The following INPP4B variants were observed in gnomAD, a reference collection of about 807,000 sequenced individuals.
INPP4B encodes inositol polyphosphate 4-phosphatase type II.
A neutral mutation model predicts 122.5 loss-of-function variants in INPP4B; 55 were observed. The ratio of observed to expected loss-of-function variants is 0.45; its 90% CI spans 0.36 to 0.56. The LOEUF is 0.56. Among genes scored for constraint, INPP4B ranks in the 20% least tolerant of loss-of-function variants. The probability of loss-of-function intolerance (pLI) is 0.00; values close to 1 mark genes in which losing one functional copy is unlikely to be tolerated. For synonymous variants in INPP4B, 403 were observed against 388.7 expected, an observed-to-expected ratio of 1.04 and a Z score of -0.43; for missense variants, 1,000 against 1,097.7, an observed-to-expected ratio of 0.91 and a Z score of 1.26.
chr4:142,160,287 G>A, intron 17 of INPP4B, 71 bp downstream of exon 17: 2 of 1,033,620 alleles, frequency 1.9e-6, no homozygotes, highest in South Asian at 3.4e-5. Context: ...GGAAAGCAGA[G>A]CTATCTGATC....
At chr4:142,720,795 C>A (rs1328773483) in intron 2 of INPP4B, among the ~76,000 whole-genome samples, 863 of 33,512 alleles carry the variant, frequency 0.026, 110 homozygotes, top group African/African-American at 0.049. Flanking sequence ...CTCTCTCTCT[C>A]TCTCTCTCTC....
chr4:142,677,716 A>T (rs1758019149), intron 2 of INPP4B, among the ~76,000 whole-genome samples: 1 of 152,142 alleles, frequency 6.6e-6, no homozygotes, highest in Admixed American at 6.6e-5. Flanking sequence ...GCTGGAAACC[A>T]TCATTCTTAG....
rs578038376 is a variant in INPP4B at position 142,124,232 on chromosome 4, T to C, written c.1893+356A>G. The stretch of plus-strand genomic sequence containing the variant: ...CTGCAAACAGATCCCCTTTGCCAAG[T>C]CCTAGCTTGTCACCTGGAGTGCAAG... On this transcript the variant is annotated intron_variant, in intron 19 of 25. Coordinates refer to ENST00000262992, the MANE Select transcript of INPP4B (RefSeq NM_001101669.3). Among the ~76,000 whole-genome samples, 3 of 152,240 alleles carry C rather than the reference T, an allele frequency of 2.0e-5. No homozygotes were observed. The South Asian group carries it at 6.2e-4, about 32-fold the overall frequency.
At chr4:142,500,192 C>T (rs1419959896) in intron 2 of INPP4B, among the ~76,000 whole-genome samples, 3 of 152,064 alleles carry the variant, frequency 2.0e-5, no homozygotes, top group Non-Finnish European at 4.4e-5. Context: ...CACTTAAGCC[C>T]AATAAACTGC....
At chr4:142,463,786 G>C (rs1335381681) in intron 2 of INPP4B, among the ~76,000 whole-genome samples, 1 of 152,032 alleles carries the variant, frequency 6.6e-6, no homozygotes. Context: ...GCTTCTCCTT[G>C]CTGCCACCAT....
chr4:142,303,664 G>C (rs1167537824), intron 9 of INPP4B, among the ~76,000 whole-genome samples: 1 of 151,900 alleles, frequency 6.6e-6, no homozygotes, highest in Non-Finnish European at 1.5e-5. Context: ...CACAAAACTG[G>C]GAAAAATAAT....
intron 2 of INPP4B, among the ~76,000 whole-genome samples, chr4:142,484,432 C>T (rs1348941769): frequency 6.6e-6 from 1 of 151,980 alleles, no homozygotes; most frequent in Non-Finnish European, 1.5e-5. Flanking sequence ...TTGAAAGCCA[C>T]AACCTCCAGA....
chr4:142,153,679 T>C (rs1352188236), intron 17 of INPP4B, among the ~76,000 whole-genome samples: 1 of 152,204 alleles, frequency 6.6e-6, no homozygotes, highest in South Asian at 2.1e-4. Context: ...CAGGTTTGAA[T>C]TGGAGGATGA....
At chr4:142,109,130 G>T in intron 22 of INPP4B, among the ~76,000 whole-genome samples, 1 of 126,266 alleles carries the variant, frequency 7.9e-6, no homozygotes, top group Non-Finnish European at 1.8e-5. Context: ...CCTATCTCTG[G>T]TAACCCTTCC....
rs534045390 is a variant in INPP4B, at chr4:142,648,587, G to A, written c.-191+77252C>T. ...CACTGCCAGTGCAGCAATATGAGAT[G>A]AAACTGCGAGGCAGCAGCCTGGTTG... On this transcript the variant is annotated intron_variant, in intron 2 of 25. Transcript: ENST00000262992. Among the ~76,000 whole-genome samples the A allele has an allele frequency of 1.1e-4, 16 of 152,292 alleles. No individual in the cohort carries two copies. The South Asian group carries it at 3.3e-3, about 32-fold the overall frequency.
intron 2 of INPP4B, among the ~76,000 whole-genome samples, chr4:142,520,267 AT>A (rs1477880033): frequency 2.6e-5 from 4 of 152,034 alleles, no homozygotes; most frequent in African/African-American, 9.6e-5. Context: ...AAAGGTAATC[AT>A]TAGGAAATGA....
At chr4:142,803,946 C>A (rs1181922184) in intron 1 of INPP4B, among the ~76,000 whole-genome samples, 1 of 151,876 alleles carries the variant, frequency 6.6e-6, no homozygotes, top group Non-Finnish European at 1.5e-5. Context: ...ATAATCCTAG[C>A]TACTTAGGAG....
chr4:142,262,203 T>C (rs1339781317), intron 10 of INPP4B, among the ~76,000 whole-genome samples: 1 of 152,168 alleles, frequency 6.6e-6, no homozygotes, highest in Non-Finnish European at 1.5e-5. Context: ...CAATGAATAA[T>C]AACTACTTAT....
At chr4:142,045,874 C>G (rs538761612) in intron 25 of INPP4B, among the ~76,000 whole-genome samples, 2 of 152,130 alleles carry the variant, frequency 1.3e-5, no homozygotes, top group South Asian at 4.2e-4. Flanking sequence ...GTCAAAAAGG[C>G]AGACCGTAAG....
At chr4:142,260,594 A>AT in intron 10 of INPP4B, 30 bp from the exon 11 acceptor site, 1 of 1,096,998 alleles carries the variant, frequency 9.1e-7, no homozygotes, top group Non-Finnish European at 1.3e-6. Flanking sequence ...AAAAAAAAAA[A>AT]TTTTGAGAAC....
intron 2 of INPP4B, among the ~76,000 whole-genome samples, chr4:142,624,222 C>A (rs186921633): frequency 5.8e-3 from 887 of 151,998 alleles, no homozygotes; most frequent in Non-Finnish European, 7.1e-3. Context: ...CATCCTCTCC[C>A]GCACCTGTTG....
Position 142,054,055 on chromosome 4 carries a change from T to A in INPP4B, c.2643-25141A>T, listed in dbSNP as rs533276469. On this transcript the variant is annotated intron_variant, in intron 25 of 25. Coordinates refer to ENST00000262992, the MANE Select transcript of INPP4B (RefSeq NM_001101669.3). ...TCTAATCGACCCTCACCTTCATGTA[T>A]TGTCTTTGGATAACATTGCTGTTTT... 1.0e-3 allele frequency among the ~76,000 whole-genome samples: 136 copies of A among 134,572 alleles called. 1 individual carries two copies. In the South Asian group the frequency reaches 0.011, roughly 10 times the overall value. 88.3% of individuals were successfully genotyped at this position (134,572 alleles called of 152,430 possible).
At chr4:142,644,053 T>C (rs975232631) in intron 2 of INPP4B, among the ~76,000 whole-genome samples, 2 of 151,896 alleles carry the variant, frequency 1.3e-5, no homozygotes, top group African/African-American at 4.8e-5. Context: ...CTAAAAAAAT[T>C]AGCCAGGTGT....
chr4:142,047,113 C>T (rs1172076745), intron 25 of INPP4B, among the ~76,000 whole-genome samples: 1 of 152,052 alleles, frequency 6.6e-6, no homozygotes, highest in Non-Finnish European at 1.5e-5. Flanking sequence ...TGCAATAATG[C>T]TTGAAATGGC....
Sources: allele counts gnomAD v4.1 joint callset (sites outside exome capture counted in the v4.1 genomes callset), GRCh38; gene constraint gnomAD v4.1.1; transcripts MANE v1.5; gene names NCBI Gene and HGNC (gene_info 2026-07-23, HGNC 2026-07-21).